Variants in FAM117B observed in about 807,000 individuals in gnomAD.
FAM117B encodes protein FAM117B.
In FAM117B, 22 loss-of-function variants were observed where a neutral mutation model predicts 52.8. That is an observed-to-expected ratio of 0.42 (90% CI 0.30 to 0.59). The LOEUF (loss-of-function observed/expected upper bound fraction) is 0.59. Among genes scored for constraint, FAM117B ranks in the 20% least tolerant of loss-of-function variants. The probability of loss-of-function intolerance (pLI) is 0.22; values close to 1 mark genes in which losing one functional copy is unlikely to be tolerated. For missense variants in FAM117B, 678 were observed against 802.6 expected (o/e 0.84, Z 1.88); for synonymous variants, 309 against 324.1 (o/e 0.95, Z 0.50).
At chr2:202,701,966 G>C (rs1185890945) in intron 2 of FAM117B, among the ~76,000 whole-genome samples, 1 of 152,150 alleles carries the variant, frequency 6.6e-6, no homozygotes, top group Non-Finnish European at 1.5e-5. Flanking sequence ...GGTTTTGAGA[G>C]GGTTGTCACC....
intron 1 of FAM117B, among the ~76,000 whole-genome samples, chr2:202,683,458 A>G (rs1690493554): frequency 6.6e-6 from 1 of 152,248 alleles, no homozygotes; most frequent in Admixed American, 6.5e-5. Flanking sequence ...GAAAAAAGAT[A>G]CAAGTTTTAA....
chr2:202,680,359 T>C (rs1056472928), intron 1 of FAM117B, among the ~76,000 whole-genome samples: 26 of 152,288 alleles, frequency 1.7e-4, no homozygotes, highest in Non-Finnish European at 3.1e-4. Context: ...ACATGGCACA[T>C]GTATACATAT....
At chr2:202,641,110 A>G (rs1689763012) in intron 1 of FAM117B, among the ~76,000 whole-genome samples, 1 of 152,218 alleles carries the variant, frequency 6.6e-6, no homozygotes, top group African/African-American at 2.4e-5. Flanking sequence ...GAGACTCACA[A>G]ACTAGCCATG....
In FAM117B at chr2:202,673,433, G is replaced by GTTTTTTTTTTTTTTTTTT. The variant is rs1158185300; in HGVS notation, c.602-22433_602-22416dup. On this transcript the variant is annotated intron_variant, in intron 1 of 7. Transcript: ENST00000392238. ...TAGCCTACCCTATTTTTCTTTTTCT[G>GTTTTTTTTTTTTTTTTTT]TTTTTTTTTTTTTTTTTTTTTTTTT... is the stretch of plus-strand genomic sequence containing the variant. Among the ~76,000 whole-genome samples, 5 of 37,536 alleles carry GTTTTTTTTTTTTTTTTTT rather than the reference G, an allele frequency of 1.3e-4. 1 individual carries two copies. The highest frequency in any genetic ancestry group is 3.1e-4 in the African/African-American group (2 of 6,450). The allele number at this position is 37,536 out of a possible 152,430, so 24.6% of individuals were successfully genotyped here. A position where few individuals can be genotyped will look rare whatever the true frequency, so the allele number is the denominator to read the frequency against.
At position 202,663,604 on chromosome 2, in the gene FAM117B, A is replaced by G. The variant is rs184908401; in HGVS notation, c.601+27816A>G. ...CCTTTTTTTTTTTTTTTCTTTTGAG[A>G]CAGAGTCTCACTCTCCTTTCCCAGG... On this transcript the variant is annotated intron_variant, in intron 1 of 7. Coordinates refer to ENST00000392238, the MANE Select transcript of FAM117B (RefSeq NM_173511.4). Among the ~76,000 whole-genome samples, 344 of 140,930 alleles carry G rather than the reference A, an allele frequency of 2.4e-3. 7 individuals are homozygous for G. The highest frequency in any genetic ancestry group is 0.022 in the Admixed American group (308 of 13,726). The allele number at this position is 140,930 out of a possible 152,430, so 92.5% of individuals were successfully genotyped here. A position where few individuals can be genotyped will look rare whatever the true frequency, so the allele number is the denominator to read the frequency against.
chr2:202,661,009 G>T (rs1044807229), intron 1 of FAM117B, among the ~76,000 whole-genome samples: 6 of 152,190 alleles, frequency 3.9e-5, no homozygotes, highest in Non-Finnish European at 1.5e-5. Flanking sequence ...CACAAAGAAA[G>T]TGTTTCTCCT....
chr2:202,692,812 G>C (rs895714577), intron 1 of FAM117B, among the ~76,000 whole-genome samples: 1 of 152,190 alleles, frequency 6.6e-6, no homozygotes, highest in African/African-American at 2.4e-5. Flanking sequence ...GGTCTTTGCT[G>C]TGTGTACTTA....
At chr2:202,719,842 C>T (rs955660519) in intron 2 of FAM117B, among the ~76,000 whole-genome samples, 1 of 152,078 alleles carries the variant, frequency 6.6e-6, no homozygotes, top group Non-Finnish European at 1.5e-5. Flanking sequence ...TCTTTCATGA[C>T]ATTAATGTTT....
At chr2:202,665,684 T>C (rs1690194187) in intron 1 of FAM117B, among the ~76,000 whole-genome samples, 2 of 152,302 alleles carry the variant, frequency 1.3e-5, no homozygotes, top group Admixed American at 1.3e-4. Flanking sequence ...CACTGCAACT[T>C]CTGCCTCCCA....
At chr2:202,662,132 G>C (rs1310008563) in intron 1 of FAM117B, among the ~76,000 whole-genome samples, 1 of 151,708 alleles carries the variant, frequency 6.6e-6, no homozygotes, top group Non-Finnish European at 1.5e-5. Flanking sequence ...GTGTGTGTGT[G>C]TGTGTGTATG....
chr2:202,724,256 G>T (rs1381745170), intron 2 of FAM117B, among the ~76,000 whole-genome samples: 1 of 151,974 alleles, frequency 6.6e-6, no homozygotes, highest in Admixed American at 6.6e-5. Context: ...TGCTGGTCAG[G>T]CTGTTCTCGA....
intron 1 of FAM117B, among the ~76,000 whole-genome samples, chr2:202,680,091 C>T (rs1158511274): frequency 6.6e-6 from 1 of 152,092 alleles, no homozygotes; most frequent in Non-Finnish European, 1.5e-5. Context: ...CAGACAACAG[C>T]AGTTTCTTAT....
At chr2:202,709,633 T>C (rs1574564387) in intron 2 of FAM117B, among the ~76,000 whole-genome samples, 1 of 152,330 alleles carries the variant, frequency 6.6e-6, no homozygotes, top group East Asian at 1.9e-4. Flanking sequence ...TTTTACTCTG[T>C]TGATTGTTTT....
In FAM117B at chr2:202,766,100, A is replaced by ACCCC. The variant is rs1468271328; in HGVS notation, c.*337_*338insCCCC. 2.8e-5 allele frequency: 6 copies of ACCCC among 212,504 alleles called. No homozygotes were observed. Among genetic ancestry groups the ACCCC allele is most frequent in the Non-Finnish European group, 2.8e-5 (3 of 108,576 alleles). 13.2% of individuals were successfully genotyped at this position (212,504 alleles called of 1,614,324 possible). ...CACACACACACACACACACACACAC[A>ACCCC]CACACACCCCTGATCCTTGCCAACA... On this transcript the variant is annotated 3_prime_UTR_variant, in exon 8 of 8. Coordinates refer to ENST00000392238, the MANE Select transcript of FAM117B (RefSeq NM_173511.4).
chr2:202,706,270 C>A (rs1690867399), intron 2 of FAM117B, among the ~76,000 whole-genome samples: 1 of 152,036 alleles, frequency 6.6e-6, no homozygotes, highest in African/African-American at 2.4e-5. Flanking sequence ...ATTATTTTTT[C>A]TTGGACCCTC....
rs1491121882 is a variant in FAM117B at position 202,766,106 on chromosome 2, A to ACACACACACACACACACACC, written c.*343_*344insACACACACACACACACACCC. The ACACACACACACACACACACC allele has an allele frequency of 6.0e-6, 1 of 167,512 alleles. No homozygotes were observed. The highest frequency in any genetic ancestry group is 2.8e-5 in the African/African-American group (1 of 36,028). The allele number at this position is 167,512 out of a possible 1,614,324, so 10.4% of individuals were successfully genotyped here. On this transcript the variant is annotated 3_prime_UTR_variant, in exon 8 of 8. Coordinates refer to ENST00000392238, the MANE Select transcript of FAM117B (RefSeq NM_173511.4). ...CACACACACACACACACACACACACACCCCTGATCCTTGCCAACATGATTC... is the reference window on the plus strand; with the variant it reads ...CACACACACACACACACACACACACACACACACACACACACACACCCCCCTGATCCTTGCCAACATGATTC...
At position 202,755,643 on chromosome 2, in the gene FAM117B, A is replaced by T; in HGVS notation, c.1066A>T (p.Ile356Leu). 5 of 1,613,980 alleles carry T rather than the reference A, an allele frequency of 3.1e-6. No individual in the cohort carries two copies. Among genetic ancestry groups the T allele is most frequent in the Non-Finnish European group, 4.2e-6 (5 of 1,179,928 alleles). ...VEGLNQEIEI[I>L]IKETGEKEEQ... ...AGGATTGAATCAGGAGATTGAAATA[A>T]TAATTAAAGAGACTGGGGAAAAGGA... The change falls in exon 5 of 8, where the codon ATA (isoleucine) becomes TTA (leucine). Residue 356 changes from isoleucine to leucine, a missense_variant. Physicochemically the swap from Ile to Leu is conservative, Grantham distance 5. Coordinates refer to ENST00000392238, the MANE Select transcript of FAM117B (RefSeq NM_173511.4).
At chr2:202,742,714 G>T (rs938172802) in intron 4 of FAM117B, among the ~76,000 whole-genome samples, 1 of 151,944 alleles carries the variant, frequency 6.6e-6, no homozygotes, top group African/African-American at 2.4e-5. Flanking sequence ...TATAAACCAA[G>T]TATAAAAACT....
intron 2 of FAM117B, among the ~76,000 whole-genome samples, chr2:202,715,366 G>A (rs1335920028): frequency 4.0e-5 from 6 of 151,482 alleles, no homozygotes; most frequent in African/African-American, 7.3e-5. Context: ...CTTCCCAGAC[G>A]GGGTGGCTGC....
Sources: allele counts gnomAD v4.1 joint callset (sites outside exome capture counted in the v4.1 genomes callset), GRCh38; gene constraint gnomAD v4.1.1; transcripts MANE v1.5; gene names NCBI Gene and HGNC (gene_info 2026-07-23, HGNC 2026-07-21).